ACSBG1: variants seen among roughly 807,000 people sequenced by gnomAD.
The protein encoded by ACSBG1 is acyl-CoA synthetase bubblegum family member 1, also known as long-chain-fatty-acid--CoA ligase ACSBG1.
ACSBG1 carries 39 observed loss-of-function variants against 80.2 expected under a neutral mutation model. That is an observed-to-expected ratio of 0.49 (90% CI 0.38 to 0.64). The LOEUF (loss-of-function observed/expected upper bound fraction) is 0.64. ACSBG1 is among the 30% of genes least tolerant of loss of function. ACSBG1 has a pLI of 0.00. For synonymous variants in ACSBG1, 392 were observed against 379.5 expected (o/e 1.03, Z -0.38); for missense variants, 828 against 966.4 (o/e 0.86, Z 1.90).
rs533263008 is a variant in ACSBG1, at chr15:78,181,299, T to G, written c.1072-363A>C. 8.5e-5 allele frequency among the ~76,000 whole-genome samples: 13 copies of G among 152,102 alleles called. 1 individual carries two copies. Among genetic ancestry groups the G allele is most frequent in the African/African-American group, 3.1e-4 (13 of 41,502 alleles). On this transcript the variant is annotated intron_variant, in intron 8 of 13. Transcript: ENST00000258873. ...ACTGAGATGCTGGTGGAGGGAAACT[T>G]GCTGGGGGGTTTCTGGGAAAGTTTT...
intron 1 of ACSBG1, among the ~76,000 whole-genome samples, chr15:78,216,581 G>A (rs573649888): frequency 2.3e-4 from 35 of 152,270 alleles, no homozygotes; most frequent in African/African-American, 7.5e-4. Flanking sequence ...GAGGGCAGGG[G>A]TGGTTTAAGA....
In ACSBG1 at chr15:78,217,111, G is replaced by C. The variant is rs534001280; in HGVS notation, c.132-9009C>G. Among the ~76,000 whole-genome samples the C allele has an allele frequency of 1.7e-4, 26 of 152,306 alleles. No individual in the cohort carries two copies. The East Asian group carries it at 5.0e-3, about 29-fold the overall frequency. ...GGCTGGAATTCTGCTGCATCAGGTA[G>C]GGACAAGGCTGCAAAGTTGGGTGCT... On this transcript the variant is annotated intron_variant, in intron 1 of 13. Transcript: ENST00000258873.
At chr15:78,180,723 C>T (rs754096251) in intron 9 of ACSBG1, 32 bp downstream of exon 9, 55 of 1,604,086 alleles carry the variant, frequency 3.4e-5, no homozygotes, top group Middle Eastern at 1.7e-4. Flanking sequence ...CCCACTCTCT[C>T]CCCAGGCCTC....
At chr15:78,213,445 T>G (rs2075283338) in intron 1 of ACSBG1, 1 of 152,422 alleles carries the variant, frequency 6.6e-6, no homozygotes, top group Admixed American at 6.5e-5. Context: ...TTCCTCCTTC[T>G]TGCACCTGGC....
chr15:78,197,906 C>T (rs2075129760), intron 2 of ACSBG1, among the ~76,000 whole-genome samples: 1 of 152,066 alleles, frequency 6.6e-6, no homozygotes, highest in Non-Finnish European at 1.5e-5. Flanking sequence ...GTGACTTTCT[C>T]CCGTGGGCAC....
At chr15:78,224,630 A>G (rs527581590) in intron 1 of ACSBG1, among the ~76,000 whole-genome samples, 140 of 152,286 alleles carry the variant, frequency 9.2e-4, no homozygotes, top group African/African-American at 3.2e-3. Flanking sequence ...CTGAGGCAGG[A>G]GAATGGCATG....
At chr15:78,232,083 C>T (rs1485829142) in intron 1 of ACSBG1, among the ~76,000 whole-genome samples, 2 of 152,146 alleles carry the variant, frequency 1.3e-5, no homozygotes, top group Admixed American at 6.5e-5. Flanking sequence ...TGACCTCCAG[C>T]CTGCTGCTAA....
intron 1 of ACSBG1, among the ~76,000 whole-genome samples, chr15:78,221,214 T>C (rs2075357257): frequency 2.6e-5 from 4 of 152,024 alleles, no homozygotes; most frequent in Admixed American, 6.6e-5. Context: ...CGCCGGTCTC[T>C]GAGTTCCCTC....
chr15:78,213,268 C>T (rs975255406), intron 1 of ACSBG1, among the ~76,000 whole-genome samples: 3 of 152,196 alleles, frequency 2.0e-5, no homozygotes, highest in African/African-American at 7.2e-5. Flanking sequence ...CCCTGCGTGG[C>T]GGACCCCACG....
In ACSBG1 at chr15:78,178,889, C is replaced by T. The variant is rs749696772; in HGVS notation, c.1485-58G>A. 6.6e-7 allele frequency: 1 copy of T among 1,522,056 alleles called. No individual in the cohort carries two copies. Among genetic ancestry groups the T allele is most frequent in the East Asian group, 2.4e-5 (1 of 41,346 alleles). The allele number at this position is 1,522,056 out of a possible 1,614,324, so 94.3% of individuals were successfully genotyped here. ...GGGAGCCGTCTCCTCCAAGCCCCCACTGGGGAGCCGGGGTCCCAACTGCTC... is the reference window on the plus strand; with the variant it reads ...GGGAGCCGTCTCCTCCAAGCCCCCATTGGGGAGCCGGGGTCCCAACTGCTC... On this transcript the variant is annotated intron_variant, in intron 10 of 13. Coordinates refer to ENST00000258873, the MANE Select transcript of ACSBG1 (RefSeq NM_015162.5). The surrounding 1 kb of genome is among the most constrained non-coding windows in gnomAD (Gnocchi z 4.3).
intron 1 of ACSBG1, among the ~76,000 whole-genome samples, chr15:78,220,900 C>T (rs147614195): frequency 1.3e-5 from 2 of 152,336 alleles, no homozygotes; most frequent in African/African-American, 4.8e-5. Flanking sequence ...CTGGCAGTTC[C>T]TCAAAAGGTT....
rs530171713 is a variant in ACSBG1, at chr15:78,209,638, C to T, written c.132-1536G>A. On this transcript the variant is annotated intron_variant, in intron 1 of 13. Transcript: ENST00000258873. ...TCTGGGTTCAGGCAGCGACGGCAAA[C>T]GAGGGACACGTACACTGCTAGGCTC... is the stretch of plus-strand genomic sequence containing the variant. Among the ~76,000 whole-genome samples, 222 of 152,228 alleles carry T rather than the reference C, an allele frequency of 1.5e-3. 1 individual carries two copies. The highest frequency in any genetic ancestry group is 2.2e-3 in the Non-Finnish European group (147 of 68,018).
chr15:78,177,786 A>C lies in ACSBG1; in HGVS notation c.1702+828T>G, dbSNP rs2074897484. Among the ~76,000 whole-genome samples the C allele has an allele frequency of 1.3e-5, 2 of 152,134 alleles. No individual in the cohort carries two copies. The highest frequency in any genetic ancestry group is 2.4e-5 in the African/African-American group (1 of 41,432). ...TAGTTTACCCACTCAACTTAGCTTCAGTTTCCCCCATGAAGCCCTGGTGCA... is the reference window on the plus strand; with the variant it reads ...TAGTTTACCCACTCAACTTAGCTTCCGTTTCCCCCATGAAGCCCTGGTGCA... On this transcript the variant is annotated intron_variant, in intron 11 of 13. Coordinates refer to ENST00000258873, the MANE Select transcript of ACSBG1 (RefSeq NM_015162.5). The surrounding 1 kb of genome is among the most constrained non-coding windows in gnomAD (Gnocchi z 4.1).
intron 1 of ACSBG1, among the ~76,000 whole-genome samples, chr15:78,224,517 A>T (rs958126212): frequency 3.9e-4 from 59 of 152,210 alleles, no homozygotes; most frequent in African/African-American, 1.3e-3. Flanking sequence ...CAGGAGATCG[A>T]GGCCACCCTG....
At chr15:78,224,021 C>A (rs1252166009) in intron 1 of ACSBG1, among the ~76,000 whole-genome samples, 1 of 152,152 alleles carries the variant, frequency 6.6e-6, no homozygotes, top group East Asian at 1.9e-4. Context: ...CTCCTGACAC[C>A]TTGACTTTAG....
chr15:78,216,360 A>T (rs1231709943), intron 1 of ACSBG1, among the ~76,000 whole-genome samples: 2 of 152,122 alleles, frequency 1.3e-5, no homozygotes, highest in Non-Finnish European at 2.9e-5. Context: ...GAGGGGGTAT[A>T]ATGATGTTAA....
In ACSBG1 at chr15:78,174,420, G is replaced by C. The variant is rs772607466; in HGVS notation, c.1807C>G (p.Gln603Glu). Reference protein sequence around the residue: ...IISNAMLIGDQRKFLSMLLTL... With the variant: ...IISNAMLIGDERKFLSMLLTL... ...AGCAGCATGGACAGGAACTTCCTCTGGTCCCCAATGAGCATGGCGTTGCTG... is the reference window on the plus strand; with the variant it reads ...AGCAGCATGGACAGGAACTTCCTCTCGTCCCCAATGAGCATGGCGTTGCTG... Residue 603 changes from glutamine (Q) to glutamate (E), a missense_variant, in exon 12 of 14, where the codon CAG becomes GAG. Physicochemically the swap from Gln to Glu is conservative, Grantham distance 29. Around this residue, in one of 3 missense-constraint regions of ACSBG1, gnomAD observed 201 missense variants for 227.0 expected, o/e 0.89. Coordinates refer to ENST00000258873, the MANE Select transcript of ACSBG1 (RefSeq NM_015162.5). 6.2e-7 allele frequency: 1 copy of C among 1,614,156 alleles called. No homozygotes were observed. The highest frequency in any genetic ancestry group is 8.5e-7 in the Non-Finnish European group (1 of 1,180,026).
intron 1 of ACSBG1, chr15:78,212,484 C>G: frequency 2.2e-6 from 1 of 448,310 alleles, no homozygotes; most frequent in Non-Finnish European, 4.5e-6. Context: ...TGCGTGCCAA[C>G]TACTTTCCCT....
chr15:78,179,447 T>A, intron 10 of ACSBG1, 103 bp downstream of exon 10: 1 of 1,095,634 alleles, frequency 9.1e-7, no homozygotes, highest in South Asian at 1.5e-5. Context: ...GGGACCCAAC[T>A]GGCATGCAAA....
Sources: allele counts gnomAD v4.1 joint callset (sites outside exome capture counted in the v4.1 genomes callset), GRCh38; gene constraint gnomAD v4.1.1; regional missense constraint gnomAD v4.1.1; non-coding constraint Gnocchi (gnomAD v3.1); transcripts MANE v1.5; gene names NCBI Gene and HGNC (gene_info 2026-07-23, HGNC 2026-07-21).